Variants in AP3D1 observed in about 807,000 individuals in gnomAD.
AP3D1 encodes AP-3 complex subunit delta-1.
A neutral mutation model predicts 147.6 loss-of-function variants in AP3D1; 51 were observed. The ratio of observed to expected loss-of-function variants is 0.35; its 90% CI spans 0.28 to 0.44. AP3D1 has a LOEUF of 0.44. AP3D1 is among the 20% of genes least tolerant of loss of function. The pLI is 1.00. For missense variants in AP3D1, 1,421 were observed against 1,624.2 expected, an observed-to-expected ratio of 0.87 and a Z score of 2.15; for synonymous variants, 760 against 663.0, an observed-to-expected ratio of 1.15 and a Z score of -2.25.
chr19:2,127,254 G>C, intron 8 of AP3D1, 53 bp from the exon 9 acceptor site: 1 of 1,592,468 alleles, frequency 6.3e-7, no homozygotes, highest in South Asian at 1.1e-5. Flanking sequence ...CTCGTCAGAT[G>C]CAGTGACCCA....
At chr19:2,138,740 T>C in intron 1 of AP3D1, 26 bp from the exon 2 acceptor site, 1 of 1,518,286 alleles carries the variant, frequency 6.6e-7, no homozygotes, top group Non-Finnish European at 9.1e-7. Context: ...AACACAGAGA[T>C]TACAAACATC....
At chr19:2,143,764 CA>C (rs368720135) in intron 1 of AP3D1, among the ~76,000 whole-genome samples, 11 of 144,458 alleles carry the variant, frequency 7.6e-5, no homozygotes, top group African/African-American at 1.0e-4. Flanking sequence ...AAGACTGCCT[CA>C]AAAAAAAAAT....
Position 2,113,985 on chromosome 19 carries a change from C to T in AP3D1, c.2601+140G>A, listed in dbSNP as rs562682390. The stretch of plus-strand genomic sequence containing the variant: ...CAGAAGCCACATGTCCTCACTCCGC[C>T]GGGGCACAGGGCGAGGCGGCTGGCA... On this transcript the variant is annotated intron_variant, in intron 22 of 31. Coordinates refer to ENST00000643116, the MANE Select transcript of AP3D1 (RefSeq NM_001261826.3). The T allele has an allele frequency of 5.5e-5, 78 of 1,414,938 alleles. 1 individual carries two copies. In the Admixed American group the frequency reaches 1.5e-3, roughly 27 times the overall value. 87.6% of individuals were successfully genotyped at this position (1,414,938 alleles called of 1,614,324 possible).
intron 16 of AP3D1, 90 bp from the exon 17 acceptor site, chr19:2,116,836 G>A: frequency 2.8e-6 from 4 of 1,444,140 alleles, no homozygotes; most frequent in Non-Finnish European, 3.7e-6. Flanking sequence ...CACGTGCCTG[G>A]CCATGTGATA....
chr19:2,128,187 A>C (rs2018813848), intron 8 of AP3D1, among the ~76,000 whole-genome samples: 1 of 152,144 alleles, frequency 6.6e-6, no homozygotes. Context: ...GAGGAATTAA[A>C]GTGTCCCCTT....
At chr19:2,132,158 GC>G (rs2018968296) in intron 5 of AP3D1, among the ~76,000 whole-genome samples, 1 of 152,164 alleles carries the variant, frequency 6.6e-6, no homozygotes. Context: ...CCACACAGAA[GC>G]CCACTGGCAG....
intron 1 of AP3D1, among the ~76,000 whole-genome samples, chr19:2,143,774 A>T (rs2019285584): frequency 6.6e-6 from 1 of 151,852 alleles, no homozygotes; most frequent in African/African-American, 2.4e-5. Context: ...CAAAAAAAAA[A>T]TAAAAAAGGA....
intron 1 of AP3D1, among the ~76,000 whole-genome samples, chr19:2,149,438 G>C (rs2019447146): frequency 6.6e-6 from 1 of 151,938 alleles, no homozygotes; most frequent in African/African-American, 2.4e-5. Context: ...CAGCTACTCA[G>C]GAGCTGGGGC....
At chr19:2,134,325 G>A (rs116753577) in intron 4 of AP3D1, among the ~76,000 whole-genome samples, 268 of 152,130 alleles carry the variant, frequency 1.8e-3, no homozygotes, top group African/African-American at 6.1e-3. Flanking sequence ...GGAGGCTAAG[G>A]TGGGGAGATC....
chr19:2,126,176 T>C (rs977108791), intron 9 of AP3D1, among the ~76,000 whole-genome samples: 1 of 152,158 alleles, frequency 6.6e-6, no homozygotes, highest in African/African-American at 2.4e-5. Flanking sequence ...CTCGGCCTCC[T>C]GAATAGCTGG....
rs903889235 is a variant in AP3D1 at position 2,151,492 on chromosome 19, C to G, written c.-158G>C. ...CGGCGGCGGGGTCCAAGGACCGCGGCAGAGGCGGCGACCCGCTCGGCAGGT... is the reference window on the plus strand; with the variant it reads ...CGGCGGCGGGGTCCAAGGACCGCGGGAGAGGCGGCGACCCGCTCGGCAGGT... On this transcript the variant is annotated 5_prime_UTR_variant, in exon 1 of 32. Coordinates refer to ENST00000643116, the MANE Select transcript of AP3D1 (RefSeq NM_001261826.3). The G allele has an allele frequency of 8.7e-6, 2 of 231,110 alleles. No homozygotes were observed. The highest frequency in any genetic ancestry group is 6.4e-5 in the Admixed American group (1 of 15,702). The allele number at this position is 231,110 out of a possible 1,614,324, so 14.3% of individuals were successfully genotyped here.
At chr19:2,157,840 T>C (rs971351039) in intron 1 of AP3D1, among the ~76,000 whole-genome samples, 9 of 152,152 alleles carry the variant, frequency 5.9e-5, no homozygotes, top group Non-Finnish European at 1.0e-4. Flanking sequence ...GGAAAAGTGA[T>C]CCAGGCAGAT....
At chr19:2,110,275 TG>T (rs778390909) in intron 27 of AP3D1, 51 bp from the exon 28 acceptor site, 2 of 1,501,954 alleles carry the variant, frequency 1.3e-6, no homozygotes, top group East Asian at 4.5e-5. Flanking sequence ...GGGCTCAGCA[TG>T]GGTGGGGCCT....
At chr19:2,104,666 GTTTTTT>G (rs967229513) in intron 31 of AP3D1, among the ~76,000 whole-genome samples, 16 of 113,466 alleles carry the variant, frequency 1.4e-4, no homozygotes, top group African/African-American at 5.8e-4. Context: ...TCTGACACAA[GTTTTTT>G]TTTTTTTTTT....
At chr19:2,105,873 A>C (rs556087526) in intron 31 of AP3D1, among the ~76,000 whole-genome samples, 15 of 152,220 alleles carry the variant, frequency 9.9e-5, no homozygotes, top group South Asian at 4.2e-4. Context: ...AGGCAGGCGG[A>C]TCAGGAGTTT....
At chr19:2,119,810 C>T (rs1037312523) in intron 14 of AP3D1, among the ~76,000 whole-genome samples, 6 of 151,528 alleles carry the variant, frequency 4.0e-5, no homozygotes, top group Non-Finnish European at 8.8e-5. Flanking sequence ...AGCTTGGTGG[C>T]AGGTGCCTGT....
chr19:2,103,074 T>A (rs1456413306), intron 31 of AP3D1, among the ~76,000 whole-genome samples: 1 of 151,228 alleles, frequency 6.6e-6, no homozygotes, highest in Non-Finnish European at 1.5e-5. Flanking sequence ...CAGTGAGCCG[T>A]GTTTGCACCA....
chr19:2,103,753 C>T (rs1211115861), intron 31 of AP3D1, among the ~76,000 whole-genome samples: 1 of 152,168 alleles, frequency 6.6e-6, no homozygotes, highest in East Asian at 1.9e-4. Context: ...GAACAAGGCC[C>T]AGAGGCTCAC....
At chr19:2,112,171 C>A in intron 24 of AP3D1, 1 of 351,462 alleles carries the variant, frequency 2.8e-6, no homozygotes, top group Non-Finnish European at 5.4e-6. Flanking sequence ...CACATCCACG[C>A]GCACTGCGCA....
Sources: gnomAD v4.1 joint callset for allele counts (sites outside exome capture counted in the v4.1 genomes callset) on GRCh38, gnomAD v4.1.1 for gene constraint, MANE v1.5 for transcripts, NCBI Gene and HGNC (gene_info 2026-07-23, HGNC 2026-07-21) for gene names.